Variants in ZNF737 observed in about 807,000 individuals in gnomAD.
ZNF737 encodes zinc finger protein 737.
A neutral mutation model predicts 11.7 loss-of-function variants in ZNF737; 13 were observed. The observed-to-expected ratio is 1.11, with a 90% CI of 0.73 to 1.77. ZNF737 has a LOEUF of 1.77. Among genes scored for constraint, ZNF737 ranks in the 40% most tolerant of loss-of-function variants. The pLI is 0.00. For synonymous variants in ZNF737, 217 were observed against 216.2 expected, an observed-to-expected ratio of 1.00 and a Z score of -0.03; for missense variants, 636 against 638.0, an observed-to-expected ratio of 1.00 and a Z score of 0.03.
rs1968234897 is a variant in ZNF737, at chr19:20,542,211, A to C, written c.*2381T>G. 2.0e-6 allele frequency: 2 copies of C among 983,548 alleles called. No individual in the cohort carries two copies. The highest frequency in any genetic ancestry group is 1.2e-6 in the Non-Finnish European group (1 of 828,610). 60.9% of individuals were successfully genotyped at this position (983,548 alleles called of 1,614,324 possible). A position where few individuals can be genotyped will look rare whatever the true frequency, so the allele number is the denominator to read the frequency against. On this transcript the variant is annotated 3_prime_UTR_variant, in exon 4 of 4. Transcript: ENST00000427401. The stretch of plus-strand genomic sequence containing the variant: ...CCATGGTAAAAATAAAATAAAATTA[A>C]GTTCACAAATAATCTAACAAACTTT...
chr19:20,557,961 G>C (rs1021778111), intron 1 of ZNF737, among the ~76,000 whole-genome samples: 6 of 151,980 alleles, frequency 3.9e-5, no homozygotes, highest in African/African-American at 1.4e-4. Flanking sequence ...ATGTAGCAAG[G>C]TAAAAGAAAT....
rs1195885758 is a variant in ZNF737 at position 20,543,733 on chromosome 19, T to C, written c.*859A>G. 2.0e-6 allele frequency: 2 copies of C among 985,382 alleles called. No homozygotes were observed. The highest frequency in any genetic ancestry group is 2.4e-6 in the Non-Finnish European group (2 of 829,882). The allele number at this position is 985,382 out of a possible 1,614,324, so 61.0% of individuals were successfully genotyped here. A position where few individuals can be genotyped will look rare whatever the true frequency, so the allele number is the denominator to read the frequency against. On this transcript the variant is annotated 3_prime_UTR_variant, in exon 4 of 4. Coordinates refer to ENST00000427401, the MANE Select transcript of ZNF737 (RefSeq NM_001159293.2). ...GGGTTTCACACTAGTATAATTATTGTTATGTGTAGAGAAGTTGGAGGTGTT... is the reference window on the plus strand; with the variant it reads ...GGGTTTCACACTAGTATAATTATTGCTATGTGTAGAGAAGTTGGAGGTGTT...
Position 20,543,585 on chromosome 19 carries a change from A to G in ZNF737, c.*1007T>C, listed in dbSNP as rs782570699. 4.1e-5 allele frequency: 40 copies of G among 985,352 alleles called. No homozygotes were observed. Among genetic ancestry groups the G allele is most frequent in the Non-Finnish European group, 4.6e-5 (38 of 829,950 alleles). The allele number at this position is 985,352 out of a possible 1,614,324, so 61.0% of individuals were successfully genotyped here. A position where few individuals can be genotyped will look rare whatever the true frequency, so the allele number is the denominator to read the frequency against. On this transcript the variant is annotated 3_prime_UTR_variant, in exon 4 of 4. Coordinates refer to ENST00000427401, the MANE Select transcript of ZNF737 (RefSeq NM_001159293.2). ...TAGCTTTTCTGTGAGATAAGGTGTAAGAACTGATTAAAAGTTTTGCCACAT... is the reference window on the plus strand; with the variant it reads ...TAGCTTTTCTGTGAGATAAGGTGTAGGAACTGATTAAAAGTTTTGCCACAT...
rs1319184100 is a variant in ZNF737, at chr19:20,541,472, A to G, written c.*3120T>C. On this transcript the variant is annotated 3_prime_UTR_variant, in exon 4 of 4. Coordinates refer to ENST00000427401, the MANE Select transcript of ZNF737 (RefSeq NM_001159293.2). ...ATTTTTATTTTATTTTTTGAGATGG[A>G]GACTCACTCTGTCAGCCAGGCTGGA... 4 of 900,720 alleles carry G rather than the reference A, an allele frequency of 4.4e-6. No individual in the cohort carries two copies. In the African/African-American group the frequency reaches 5.5e-5, roughly 12 times the overall value. 55.8% of individuals were successfully genotyped at this position (900,720 alleles called of 1,614,324 possible).
chr19:20,552,492 A>C lies in ZNF737; in HGVS notation c.209T>G (p.Met70Arg). 6.3e-7 allele frequency: 1 copy of C among 1,593,784 alleles called. No homozygotes were observed. The highest frequency in any genetic ancestry group is 8.5e-7 in the Non-Finnish European group (1 of 1,172,888). ...KKPLTMKKHE[M>R]VANPSVTCSH... Reference sequence around the variant, plus strand: ...GCACCTACCTGAGGGGTTGGCTACCATCTCATGTTTCTTCATGGTCAAAGG... The same window carrying C: ...GCACCTACCTGAGGGGTTGGCTACCCTCTCATGTTTCTTCATGGTCAAAGG... The change falls in exon 3 of 4, where the codon ATG becomes AGG. Residue 70 changes from methionine (M) to arginine (R), a missense_variant. Coordinates refer to ENST00000427401, the MANE Select transcript of ZNF737 (RefSeq NM_001159293.2).
the ZNF737 span, among the ~76,000 whole-genome samples, chr19:20,530,523 C>A: frequency 6.8e-6 from 1 of 146,448 alleles, no homozygotes; most frequent in Admixed American, 6.7e-5. Flanking sequence ...GGGCGGTTGC[C>A]AGGCGGAGGG....
chr19:20,536,967 G>T (rs1967989965), downstream of ZNF737, among the ~76,000 whole-genome samples: 2 of 152,008 alleles, frequency 1.3e-5, no homozygotes, highest in Non-Finnish European at 2.9e-5. Context: ...GCTGGGCGTG[G>T]TGGCGGGTGC....
At chr19:20,532,162 C>G (rs1967846010), downstream of ZNF737, among the ~76,000 whole-genome samples, 1 of 149,860 alleles carries the variant, frequency 6.7e-6, no homozygotes, top group Non-Finnish European at 1.5e-5. Flanking sequence ...GTGTTCACAC[C>G]TACCATTTGG....
chr19:20,545,934 C>T lies in ZNF737; in HGVS notation c.269G>A (p.Ser90Asn). The change falls in exon 4 of 4, where the codon AGC (serine) becomes AAC (asparagine). Residue 90 changes from serine to asparagine, a missense_variant. Transcript: ENST00000427401. ...HFARDLWPEQ[S>N]IKDSFQKVTL... ...CACTTTTTGGAAAGAATCTTTTATG[C>T]TCTGCTCTGGCCAAAGATCTCGGGC... is the stretch of plus-strand genomic sequence containing the variant. 6.3e-7 allele frequency: 1 copy of T among 1,581,010 alleles called. No individual in the cohort carries two copies. Among genetic ancestry groups the T allele is most frequent in the Non-Finnish European group, 8.6e-7 (1 of 1,167,296 alleles).
Position 20,543,789 on chromosome 19 carries a change from G to A in ZNF737, c.*803C>T, listed in dbSNP as rs1968315646. On this transcript the variant is annotated 3_prime_UTR_variant, in exon 4 of 4. Transcript: ENST00000427401. ...AAGCAATGTCACATTTTTTAGCTTTGCGGATTTCCTCTTCAACATGAATTA... is the reference window on the plus strand; with the variant it reads ...AAGCAATGTCACATTTTTTAGCTTTACGGATTTCCTCTTCAACATGAATTA... The A allele has an allele frequency of 1.0e-6, 1 of 985,256 alleles. No homozygotes were observed. The highest frequency in any genetic ancestry group is 1.2e-6 in the Non-Finnish European group (1 of 829,936). The allele number at this position is 985,256 out of a possible 1,614,324, so 61.0% of individuals were successfully genotyped here.
At chr19:20,552,353 T>A (rs879986687) in intron 3 of ZNF737, 122 bp downstream of exon 3, 15 of 509,702 alleles carry the variant, frequency 2.9e-5, no homozygotes, top group Non-Finnish European at 4.7e-5. Flanking sequence ...AAAAAACAGC[T>A]CCCAGGAACT....
chr19:20,542,417 A>C lies in ZNF737; in HGVS notation c.*2175T>G, dbSNP rs533078869. 5 of 397,886 alleles carry C rather than the reference A, an allele frequency of 1.3e-5. No individual in the cohort carries two copies. The highest frequency in any genetic ancestry group is 1.6e-4 in the East Asian group (1 of 6,180). The allele number at this position is 397,886 out of a possible 1,614,324, so 24.6% of individuals were successfully genotyped here. ...CTAATTTTTTTTGTATTTTTAGTAG[A>C]GACTGGGTTTCTCCATGTTGGTCAG... On this transcript the variant is annotated 3_prime_UTR_variant, in exon 4 of 4. Coordinates refer to ENST00000427401, the MANE Select transcript of ZNF737 (RefSeq NM_001159293.2).
In ZNF737 at chr19:20,540,791, G is replaced by A. The variant is rs1968170811; in HGVS notation, c.*3801C>T. ...AAAAAAGAGTCTTTCTGCTGCTTTT[G>A]TTATCTACATAAACAAAGATATCAA... is the stretch of plus-strand genomic sequence containing the variant. On this transcript the variant is annotated 3_prime_UTR_variant, in exon 4 of 4. Coordinates refer to ENST00000427401, the MANE Select transcript of ZNF737 (RefSeq NM_001159293.2). 1.1e-6 allele frequency: 1 copy of A among 898,552 alleles called. No homozygotes were observed. The highest frequency in any genetic ancestry group is 6.2e-5 in the Admixed American group (1 of 16,062). The allele number at this position is 898,552 out of a possible 1,614,324, so 55.7% of individuals were successfully genotyped here. A position where few individuals can be genotyped will look rare whatever the true frequency, so the allele number is the denominator to read the frequency against.
At chr19:20,552,600 C>T in intron 2 of ZNF737, 30 bp from the exon 3 acceptor site, 3 of 1,491,392 alleles carry the variant, frequency 2.0e-6, no homozygotes, top group Admixed American at 1.9e-5. Flanking sequence ...TAACATGAAT[C>T]TTGCTCATAT....
chr19:20,531,272 G>A (rs112715070), downstream of ZNF737, among the ~76,000 whole-genome samples: 141 of 139,392 alleles, frequency 1.0e-3, no homozygotes, highest in African/African-American at 1.1e-3. Flanking sequence ...GGGGAGGGGA[G>A]AGGGGAGGGG....
At chr19:20,550,412 C>T (rs1376299461) in intron 3 of ZNF737, among the ~76,000 whole-genome samples, 1 of 152,110 alleles carries the variant, frequency 6.6e-6, no homozygotes, top group Non-Finnish European at 1.5e-5. Flanking sequence ...TTACTTCAGG[C>T]ATATCATGCA....
At chr19:20,560,942 G>C (rs1179988485) in intron 1 of ZNF737, among the ~76,000 whole-genome samples, 2 of 152,182 alleles carry the variant, frequency 1.3e-5, no homozygotes, top group African/African-American at 4.8e-5. Context: ...AAGACTAAGA[G>C]AATCAGAAAA....
chr19:20,558,774 T>C (rs1968980397), intron 1 of ZNF737, among the ~76,000 whole-genome samples: 3 of 152,176 alleles, frequency 2.0e-5, no homozygotes, highest in Non-Finnish European at 2.9e-5. Context: ...ACCCAGGTGA[T>C]TGTGAGGGAA....
rs782701442 is a variant in ZNF737 at position 20,544,865 on chromosome 19, A to T, written c.1338T>A (p.Ile446=). ...CFSILTTHKR[I]HTGEKPYKCE... ...ATTTGTAGGGTTTCTCTCCAGTATGAATTCTCTTATGTGTAGTAAGGATAG... is the reference window on the plus strand; with the variant it reads ...ATTTGTAGGGTTTCTCTCCAGTATGTATTCTCTTATGTGTAGTAAGGATAG... Residue 446 remains isoleucine (I), a synonymous_variant, in exon 4 of 4, where the codon ATT becomes ATA. Transcript: ENST00000427401. The T allele has an allele frequency of 1.8e-5, 29 of 1,613,530 alleles. No homozygotes were observed. The highest frequency in any genetic ancestry group is 2.5e-5 in the Non-Finnish European group (29 of 1,179,890).
Sources: allele counts gnomAD v4.1 joint callset (sites outside exome capture counted in the v4.1 genomes callset), GRCh38; gene constraint gnomAD v4.1.1; transcripts MANE v1.5; gene names NCBI Gene and HGNC (gene_info 2026-07-23, HGNC 2026-07-21).